RIF1: variants seen among roughly 807,000 people sequenced by gnomAD.
RIF1 encodes the protein replication timing regulatory factor 1.
Under a neutral mutation model 247.1 loss-of-function variants are expected in RIF1, and 45 were observed. The observed-to-expected ratio is 0.18, with a 90% confidence interval of 0.14 to 0.23. RIF1 has a LOEUF of 0.23. Ranked by LOEUF, RIF1 falls within the 10% of genes least tolerant of loss-of-function variation. The pLI, the probability that RIF1 is intolerant of heterozygous loss-of-function variation, is 1.00. For synonymous variants in RIF1, 1,087 were observed against 978.8 expected (o/e 1.11, Z -2.06); for missense variants, 2,967 against 2,862.5 (o/e 1.04, Z -0.83).
At chr2:151,415,086 G>A (rs141789748) in intron 4 of RIF1, among the ~76,000 whole-genome samples, 167 bp downstream of exon 4, 3,729 of 152,064 alleles carry the variant, frequency 0.025, 56 homozygotes, top group African/African-American at 0.039. Flanking sequence ...GGTGGCTCAC[G>A]CCTGTAATCC....
intron 9 of RIF1, chr2:151,493,440 C>T: frequency 6.3e-7 from 1 of 1,591,806 alleles, no homozygotes; most frequent in Non-Finnish European, 8.5e-7. Context: ...TCTCTTTGTA[C>T]AATACCTAGG....
At chr2:151,518,897 G>A in the RIF1 span, 1 of 1,041,330 alleles carries the variant, frequency 9.6e-7, no homozygotes, top group South Asian at 1.3e-5. Context: ...AGATGCATCT[G>A]GGCTCAGAAA....
At chr2:151,529,429 G>T in the RIF1 span, 1 of 712,392 alleles carries the variant, frequency 1.4e-6, no homozygotes, top group Non-Finnish European at 2.4e-6. Flanking sequence ...TCCTTAAGAC[G>T]GAATTTTAAA....
intron 11 of RIF1, among the ~76,000 whole-genome samples, chr2:151,501,202 T>C (rs1324654198): frequency 2.6e-5 from 4 of 152,192 alleles, no homozygotes; most frequent in Admixed American, 1.3e-4. Context: ...GGGACTATTA[T>C]AGAAAGTATA....
intron 34 of RIF1, 78 bp from the exon 35 acceptor site, chr2:151,473,886 A>G (rs1343084355): frequency 2.6e-6 from 2 of 772,734 alleles, no homozygotes; most frequent in East Asian, 2.5e-5. Context: ...TGTTTGTACT[A>G]TTACTCCTAT....
chr2:151,420,475 TCAC>T (rs1248950561), intron 7 of RIF1, 96 bp downstream of exon 7: 2 of 1,159,468 alleles, frequency 1.7e-6, no homozygotes, highest in Non-Finnish European at 2.5e-6. Flanking sequence ...ACGGTGGCTC[TCAC>T]CTGTAGTCCC....
At chr2:151,518,333 T>C in the RIF1 span, 6 of 1,605,044 alleles carry the variant, frequency 3.7e-6, no homozygotes, top group African/African-American at 4.0e-5. Flanking sequence ...TCTGTAATTC[T>C]GTGGCCTCTT....
chr2:151,444,688 G>A (rs1488803000), intron 18 of RIF1, among the ~76,000 whole-genome samples: 1 of 152,172 alleles, frequency 6.6e-6, no homozygotes, highest in African/African-American at 2.4e-5. Flanking sequence ...TTCTTAAATA[G>A]CTCCCCACTG....
intron 35 of RIF1, 60 bp downstream of exon 35, chr2:151,474,132 A>T (rs770399037): frequency 4.9e-6 from 4 of 824,076 alleles, no homozygotes; most frequent in Non-Finnish European, 8.1e-6. Flanking sequence ...TTCTTGAAAT[A>T]TGTTATTTTT....
chr2:151,511,784 G>A (rs781714594), downstream of RIF1, among the ~76,000 whole-genome samples: 1 of 152,116 alleles, frequency 6.6e-6, no homozygotes. Context: ...CATCATGAGG[G>A]GAGTCAGGGG....
chr2:151,508,368 G>A (rs2071029075), downstream of RIF1, among the ~76,000 whole-genome samples: 1 of 152,198 alleles, frequency 6.6e-6, no homozygotes, highest in South Asian at 2.1e-4. Flanking sequence ...GGCAGAGGGG[G>A]AACCTTGCTA....
chr2:151,498,406 C>A, intron 10 of RIF1: 1 of 1,346,348 alleles, frequency 7.4e-7, no homozygotes. Context: ...AGTCATTTTC[C>A]CCCTGCTTTG....
rs1184147867 is a variant in RIF1 at position 151,492,542 on chromosome 2, A to G, written c.*416-2687A>G. 2.2e-6 allele frequency: 3 copies of G among 1,388,322 alleles called. No homozygotes were observed. In the African/African-American group the frequency reaches 4.3e-5, roughly 20 times the overall value. 86.0% of individuals were successfully genotyped at this position (1,388,322 alleles called of 1,614,324 possible). ...TGAGTGGTGCTGTCCTAAATCTGAA[A>G]CCTCAAAGCCTTTCCAGCAGATAGA... On this transcript the variant is annotated intron_variant and NMD_transcript_variant, in intron 9 of 13. Coordinates refer to the RIF1 transcript ENST00000454583.
intron 26 of RIF1, 70 bp from the exon 27 acceptor site, chr2:151,461,068 G>C: frequency 7.3e-7 from 1 of 1,369,296 alleles, no homozygotes; most frequent in South Asian, 1.3e-5. Flanking sequence ...TATTAGAGGA[G>C]AGTGATAGAA....
chr2:151,478,533 A>C lies in RIF1; in HGVS notation c.*3462A>C, dbSNP rs543389404. On this transcript the variant is annotated 3_prime_UTR_variant, in exon 36 of 36. Coordinates refer to ENST00000444746, the MANE Select transcript of RIF1 (RefSeq NM_018151.5). Reference sequence around the variant, plus strand: ...CCCATGGATTTTTTTTTTTCTGTACAGCTTGAAGATAAGATAGTTAAAGAC... The same window carrying C: ...CCCATGGATTTTTTTTTTTCTGTACCGCTTGAAGATAAGATAGTTAAAGAC... 5.7e-4 allele frequency: 87 copies of C among 151,494 alleles called. No homozygotes were observed. The highest frequency in any genetic ancestry group is 2.0e-3 in the African/African-American group (84 of 41,314). 9.4% of individuals were successfully genotyped at this position (151,494 alleles called of 1,614,324 possible). A position where few individuals can be genotyped will look rare whatever the true frequency, so the allele number is the denominator to read the frequency against.
rs3040729 is a variant in RIF1, at chr2:151,415,563, CA to C, written c.280+666del. Among the ~76,000 whole-genome samples, 292 of 44,862 alleles carry C rather than the reference CA, an allele frequency of 6.5e-3. 3 individuals are homozygous for C. The highest frequency in any genetic ancestry group is 0.025 in the African/African-American group (253 of 9,988). The allele number at this position is 44,862 out of a possible 152,430, so 29.4% of individuals were successfully genotyped here. A position where few individuals can be genotyped will look rare whatever the true frequency, so the allele number is the denominator to read the frequency against. ...TGCACTCCAGACTGGGACTCTGTCT[CA>C]AAAAAAAAAAAAAAAAAAAAAGGAT... On this transcript the variant is annotated intron_variant, in intron 4 of 35. Transcript: ENST00000444746.
chr2:151,449,029 T>A (rs1162188725), intron 20 of RIF1, among the ~76,000 whole-genome samples: 1 of 152,250 alleles, frequency 6.6e-6, no homozygotes, highest in Non-Finnish European at 1.5e-5. Context: ...TACGTCTTTC[T>A]AATCAAATTG....
the RIF1 span, chr2:151,516,498 C>T: frequency 5.0e-6 from 8 of 1,613,408 alleles, no homozygotes; most frequent in African/African-American, 1.3e-5. Context: ...CAGTGATGTA[C>T]GTTGGTGTTT....
rs764993333 is a variant in RIF1 at position 151,502,846 on chromosome 2, G to GTGT, written c.*710-185_*710-183dup. ...ACTCTCTCCATCTCTGGAGTGATAG[G>GTGT]TGTTGGGATTCCTTTCCCCAAATTT... On this transcript the variant is annotated intron_variant and NMD_transcript_variant, in intron 11 of 13. Coordinates refer to the RIF1 transcript ENST00000454583. 1.2e-6 allele frequency: 2 copies of GTGT among 1,606,712 alleles called. No homozygotes were observed. The highest frequency in any genetic ancestry group is 4.5e-5 in the East Asian group (2 of 44,694).
Sources: allele counts gnomAD v4.1 joint callset (sites outside exome capture counted in the v4.1 genomes callset), GRCh38; gene constraint gnomAD v4.1.1; transcripts MANE v1.5; gene names NCBI Gene and HGNC (gene_info 2026-07-23, HGNC 2026-07-21).